PRKDC: variants seen among roughly 807,000 people sequenced by gnomAD.
The protein encoded by PRKDC is DNA-dependent protein kinase catalytic subunit.
A neutral mutation model predicts 486.9 loss-of-function variants in PRKDC; 82 were observed. That is an observed-to-expected ratio of 0.17 (90% confidence interval 0.14 to 0.20). PRKDC has a LOEUF of 0.20. PRKDC is among the 10% of genes least tolerant of loss of function. The pLI is 1.00. For synonymous variants in PRKDC, 1,895 were observed against 1,837.0 expected, an observed-to-expected ratio of 1.03 and a Z score of -0.81; for missense variants, 4,504 against 5,038.2, an observed-to-expected ratio of 0.89 and a Z score of 3.21.
intron 72 of PRKDC, 35 bp from the exon 73 acceptor site, chr8:47,798,432 A>G (rs748041730): frequency 5.2e-6 from 8 of 1,528,758 alleles, no homozygotes; most frequent in African/African-American, 2.8e-5. Context: ...GCAATGGTCA[A>G]TGTATCCCAA....
intron 43 of PRKDC, 29 bp from the exon 44 acceptor site, chr8:47,862,156 A>G: frequency 6.6e-7 from 1 of 1,521,394 alleles, no homozygotes; most frequent in South Asian, 1.2e-5. Flanking sequence ...ATATAAAAAT[A>G]GCTGAATGGT....
Position 47,890,275 on chromosome 8 carries a change from G to C in PRKDC, c.4053C>G (p.Thr1351=), listed in dbSNP as rs2089432195. The change falls in exon 32 of 86, where the codon ACC becomes ACG. Residue 1351 remains threonine, a synonymous_variant. Coordinates refer to ENST00000314191, the MANE Select transcript of PRKDC (RefSeq NM_006904.7). ...AGCCTACCTTCCATCCTTCCGGGGA[G>C]GTGTTTAGCAGAGTCGTGGTAAACT... ...IMEFTTTLLN[T]SPEGWKLLKK... 1 of 1,611,190 alleles carries C rather than the reference G, an allele frequency of 6.2e-7. No individual in the cohort carries two copies. Among genetic ancestry groups the C allele is most frequent in the Non-Finnish European group, 8.5e-7 (1 of 1,179,244 alleles).
rs746342170 is a variant in PRKDC, at chr8:47,885,953, A to G, written c.4767T>C (p.Asn1589=). Residue 1589 remains asparagine, a synonymous_variant, in exon 36 of 86, where the codon AAT becomes AAC. Transcript: ENST00000314191. ...AGGGAAACTTTGTTACCATTTTGGT[A>G]TTATCCACTGAAGACTGCATGAGCT... ...VLELMQSSVD[N]TKMVSAVLNG... is the part of the protein sequence containing the mutation. The G allele has an allele frequency of 1.4e-5, 23 of 1,612,238 alleles. No homozygotes were observed. The highest frequency in any genetic ancestry group is 1.7e-5 in the Non-Finnish European group (20 of 1,178,750).
At chr8:47,819,030 C>T (rs1413913040) in intron 67 of PRKDC, among the ~76,000 whole-genome samples, 1 of 152,168 alleles carries the variant, frequency 6.6e-6, no homozygotes, top group African/African-American at 2.4e-5. Context: ...CCACAGCTTT[C>T]CGTCTGCAAG....
chr8:47,939,672 G>C lies in PRKDC; in HGVS notation c.992C>G (p.Ala331Gly). 1.2e-6 allele frequency: 2 copies of C among 1,602,340 alleles called. No homozygotes were observed. Among genetic ancestry groups the C allele is most frequent in the Non-Finnish European group, 1.7e-6 (2 of 1,175,184 alleles). The change falls in exon 11 of 86, where the codon GCA becomes GGA. Residue 331 changes from alanine (A) to glycine (G), a missense_variant. Coordinates refer to ENST00000314191, the MANE Select transcript of PRKDC (RefSeq NM_006904.7). ...KQVSNMVAKN[A>G]EMHKNKLQYF... ...CTGCAGTTTATTTTTATGCATTTCT[G>C]CATTTTTCGCCACCATATTAGAAAC... is the stretch of plus-strand genomic sequence containing the variant.
intron 54 of PRKDC, among the ~76,000 whole-genome samples, chr8:47,844,742 A>C (rs907764538): frequency 1.3e-5 from 2 of 152,172 alleles, no homozygotes; most frequent in African/African-American, 4.8e-5. Context: ...ACCTCTCAAA[A>C]CCATACAATT....
Position 47,935,754 on chromosome 8 carries a change from G to A in PRKDC, c.1425C>T (p.Leu475=), listed in dbSNP as rs373243192. 5.0e-6 allele frequency: 8 copies of A among 1,613,632 alleles called. No homozygotes were observed. Among genetic ancestry groups the A allele is most frequent in the Non-Finnish European group, 6.8e-6 (8 of 1,179,818 alleles). The change falls in exon 13 of 86, where the codon CTC becomes CTT. Residue 475 remains leucine, a synonymous_variant. Transcript: ENST00000314191. The part of the protein sequence containing the change: ...FLALAAKGPV[L]RNCISTVVHQ... Reference sequence around the variant, plus strand: ...TACCCACAGTACTAATGCAATTCCTGAGAACTGGCCCTTTTGCTGCCAAAG... The same window carrying A: ...TACCCACAGTACTAATGCAATTCCTAAGAACTGGCCCTTTTGCTGCCAAAG...
At chr8:47,882,746 G>A (rs1241014482) in intron 36 of PRKDC, among the ~76,000 whole-genome samples, 1 of 152,208 alleles carries the variant, frequency 6.6e-6, no homozygotes, top group Non-Finnish European at 1.5e-5. Flanking sequence ...CACTATTCCT[G>A]TCATTCTGAC....
At chr8:47,942,336 C>G (rs936103309) in intron 10 of PRKDC, among the ~76,000 whole-genome samples, 6 of 152,148 alleles carry the variant, frequency 3.9e-5, no homozygotes, top group African/African-American at 1.4e-4. Flanking sequence ...GACGGGAAGG[C>G]CAAGTACAGC....
chr8:47,900,244 T>G, intron 28 of PRKDC, 129 bp downstream of exon 28: 1 of 537,332 alleles, frequency 1.9e-6, no homozygotes, highest in Non-Finnish European at 3.0e-6. Flanking sequence ...GGGATTCTCT[T>G]CACATTTATT....
chr8:47,797,479 A>G (rs1469047392), intron 73 of PRKDC, among the ~76,000 whole-genome samples: 1 of 152,206 alleles, frequency 6.6e-6, no homozygotes, highest in Admixed American at 6.5e-5. Context: ...CCCGCAGCCC[A>G]GAGATCAACA....
chr8:47,783,278 C>CAAAAAAAAAAAAGA (rs2086728243), intron 78 of PRKDC, among the ~76,000 whole-genome samples: 5 of 56,200 alleles, frequency 8.9e-5, no homozygotes, highest in Non-Finnish European at 1.7e-4. Flanking sequence ...ACTCTTGTCT[C>CAAAAAAAAAAAAGA]AAAAAAAAAA....
chr8:47,832,413 T>C (rs1055596744), intron 59 of PRKDC, among the ~76,000 whole-genome samples: 2 of 152,012 alleles, frequency 1.3e-5, no homozygotes, highest in Non-Finnish European at 2.9e-5. Context: ...AAGTTTCAAA[T>C]ATGAACAACA....
At position 47,830,223 on chromosome 8, in the gene PRKDC, T is replaced by C. The variant is rs367740789; in HGVS notation, c.8397+382A>G. On this transcript the variant is annotated intron_variant, in intron 61 of 85. Coordinates refer to ENST00000314191, the MANE Select transcript of PRKDC (RefSeq NM_006904.7). ...TGTGTACACTTTTACACCTGTTTGG[T>C]AACCTGCTGTTTTTATGTAACACGT... 1.8e-4 allele frequency among the ~76,000 whole-genome samples: 28 copies of C among 152,370 alleles called. 1 individual carries two copies. The highest frequency in any genetic ancestry group is 6.5e-4 in the African/African-American group (27 of 41,580).
intron 23 of PRKDC, 119 bp from the exon 24 acceptor site, chr8:47,914,183 CTTCA>C (rs1196542881): frequency 2.5e-6 from 2 of 797,232 alleles, no homozygotes; most frequent in African/African-American, 1.8e-5. Flanking sequence ...AAGTGAAGCA[CTTCA>C]TTCATCTTTC....
chr8:47,862,651 C>G, intron 42 of PRKDC, 110 bp from the exon 43 acceptor site: 3 of 1,082,748 alleles, frequency 2.8e-6, no homozygotes, highest in Non-Finnish European at 2.6e-6. Context: ...TCTCGAGGGT[C>G]AGGCTTGTGC....
rs1422347138 is a variant in PRKDC, at chr8:47,927,890, C to T, written c.2140G>A (p.Val714Met). The T allele has an allele frequency of 6.4e-7, 1 of 1,558,120 alleles. No homozygotes were observed. The highest frequency in any genetic ancestry group is 8.7e-7 in the Non-Finnish European group (1 of 1,155,278). The change falls in exon 20 of 86, where the codon GTG becomes ATG. Residue 714 changes from valine to methionine, a missense_variant and splice_region_variant. Val to Met is a conservative substitution (Grantham distance 21). This residue lies in a region of PRKDC where 1,969 missense variants were observed against 2,068.9 expected (regional missense o/e 0.95). Coordinates refer to ENST00000314191, the MANE Select transcript of PRKDC (RefSeq NM_006904.7). Reference sequence around the variant, plus strand: ...TTGTACTGCTTCATTTTAACTGCCACCTTAACAAGAAAGAAGACAGTAATG... The same window carrying T: ...TTGTACTGCTTCATTTTAACTGCCATCTTAACAAGAAAGAAGACAGTAATG... ...FALFVKFGKE[V>M]AVKMKQYKDE... is the part of the protein sequence containing the mutation.
chr8:47,810,099 T>C (rs996903895), intron 68 of PRKDC, among the ~76,000 whole-genome samples: 11 of 152,100 alleles, frequency 7.2e-5, no homozygotes, highest in Non-Finnish European at 1.5e-4. Context: ...CAGCACAGGT[T>C]TGGACAGGAA....
At chr8:47,835,176 TC>T (rs1014297337) in intron 58 of PRKDC, among the ~76,000 whole-genome samples, 6 of 152,208 alleles carry the variant, frequency 3.9e-5, no homozygotes, top group African/African-American at 1.4e-4. Flanking sequence ...AGTTAAACCA[TC>T]TGAGAAAGAA....
Sources: allele counts gnomAD v4.1 joint callset (sites outside exome capture counted in the v4.1 genomes callset), GRCh38; gene constraint gnomAD v4.1.1; regional missense constraint gnomAD v4.1.1; transcripts MANE v1.5; gene names NCBI Gene and HGNC (gene_info 2026-07-23, HGNC 2026-07-21).